Variants in NEK1 observed in about 807,000 individuals in gnomAD.
NEK1 encodes serine/threonine-protein kinase Nek1.
NEK1 carries 137 observed loss-of-function variants against 182.1 expected under a neutral mutation model. The ratio of observed to expected loss-of-function variants is 0.75; its 90% confidence interval spans 0.65 to 0.87. The LOEUF is 0.87. Ranked by LOEUF, NEK1 falls within the 40% of genes least tolerant of loss-of-function variation. NEK1 has a pLI of 0.00. For missense variants in NEK1, 1,391 were observed against 1,494.4 expected (o/e 0.93, Z 1.14); for synonymous variants, 513 against 492.2 (o/e 1.04, Z -0.56).
intron 31 of NEK1, among the ~76,000 whole-genome samples, chr4:169,411,776 T>C (rs960962960): frequency 5.9e-5 from 9 of 152,226 alleles, no homozygotes; most frequent in African/African-American, 2.4e-5. Context: ...TGGAAAAATA[T>C]ATTGATAATT....
intron 18 of NEK1, among the ~76,000 whole-genome samples, chr4:169,544,293 A>C (rs755624006): frequency 7.9e-5 from 12 of 152,224 alleles, no homozygotes; most frequent in Non-Finnish European, 1.8e-4. Context: ...ATGTTGAACC[A>C]GCCTTGCCTC....
intron 26 of NEK1, among the ~76,000 whole-genome samples, chr4:169,470,105 T>C (rs1331829234): frequency 2.0e-5 from 3 of 152,178 alleles, no homozygotes; most frequent in African/African-American, 4.8e-5. Flanking sequence ...GGTCTTTTAA[T>C]TGGGGCATTT....
At chr4:169,479,320 G>T in intron 24 of NEK1, 83 bp downstream of exon 24, 3 of 1,367,156 alleles carry the variant, frequency 2.2e-6, no homozygotes, top group Non-Finnish European at 2.0e-6. Flanking sequence ...AGGGACATTA[G>T]GGATTAATGT....
At chr4:169,415,044 G>A (rs1734305617) in intron 31 of NEK1, among the ~76,000 whole-genome samples, 1 of 152,188 alleles carries the variant, frequency 6.6e-6, no homozygotes, top group African/African-American at 2.4e-5. Flanking sequence ...ACAACATAGA[G>A]CACTGCATGG....
At chr4:169,411,656 T>G (rs1733700239) in intron 31 of NEK1, among the ~76,000 whole-genome samples, 1 of 152,232 alleles carries the variant, frequency 6.6e-6, no homozygotes, top group African/African-American at 2.4e-5. Flanking sequence ...TTTAACTGGC[T>G]GCAAATGAAG....
chr4:169,464,834 A>G (rs937030592), intron 26 of NEK1, among the ~76,000 whole-genome samples: 1 of 152,148 alleles, frequency 6.6e-6, no homozygotes, highest in African/African-American at 2.4e-5. Flanking sequence ...TTTATTTATC[A>G]TAAGTAGGCA....
chr4:169,592,357 G>T (rs6840797), intron 5 of NEK1, among the ~76,000 whole-genome samples: 42,938 of 151,922 alleles, frequency 0.28, 8,630 homozygotes, highest in African/African-American at 0.58. Context: ...TATATTGTAT[G>T]ATCCCTATAC....
chr4:169,557,613 C>G lies in NEK1; in HGVS notation c.1267-1518G>C, dbSNP rs543542416. Among the ~76,000 whole-genome samples the G allele has an allele frequency of 1.1e-4, 16 of 152,122 alleles. No homozygotes were observed. The South Asian group carries it at 3.3e-3, about 32-fold the overall frequency. On this transcript the variant is annotated intron_variant, in intron 16 of 35. Coordinates refer to ENST00000507142, the MANE Select transcript of NEK1 (RefSeq NM_001199397.3). ...AAAAGGGAAAACTTCCAGGTGATAA[C>G]ATCTTAAGGAAAATGCCTGGTTAAA...
At chr4:169,546,412 A>T (rs1409702240) in intron 18 of NEK1, among the ~76,000 whole-genome samples, 1 of 152,168 alleles carries the variant, frequency 6.6e-6, no homozygotes, top group East Asian at 1.9e-4. Context: ...TTACATGGTC[A>T]ATTTTAGAAT....
intron 27 of NEK1, among the ~76,000 whole-genome samples, chr4:169,459,884 A>G (rs531183510): frequency 8.1e-4 from 123 of 152,176 alleles, no homozygotes; most frequent in African/African-American, 2.8e-3. Flanking sequence ...GAAGAAAGGG[A>G]GGGATAATAT....
rs1420547260 is a variant in NEK1, at chr4:169,526,336, A to G, written c.1665+11473T>C. ...AGACCTAACTCTACAAAAAGATTAA[A>G]AAATTAGCCACGCATGATGGCAAGC... is the stretch of plus-strand genomic sequence containing the variant. On this transcript the variant is annotated intron_variant, in intron 19 of 35. Transcript: ENST00000507142. Among the ~76,000 whole-genome samples, 5 of 152,148 alleles carry G rather than the reference A, an allele frequency of 3.3e-5. 1 individual carries two copies. In the South Asian group the frequency reaches 8.3e-4, roughly 25 times the overall value.
chr4:169,426,288 T>TA, intron 29 of NEK1, 54 bp from the exon 30 acceptor site: 1 of 1,424,196 alleles, frequency 7.0e-7, no homozygotes, highest in Non-Finnish European at 9.8e-7. Context: ...TTACCAGAAA[T>TA]AAAAGTGCTC....
chr4:169,582,058 A>G (rs963661561), intron 10 of NEK1, among the ~76,000 whole-genome samples: 3 of 151,962 alleles, frequency 2.0e-5, no homozygotes, highest in African/African-American at 2.4e-5. Flanking sequence ...CTTACTCCAT[A>G]TTTTTCTCTC....
chr4:169,411,071 G>C (rs774779082), intron 31 of NEK1, among the ~76,000 whole-genome samples: 4 of 152,128 alleles, frequency 2.6e-5, no homozygotes, highest in Non-Finnish European at 5.9e-5. Flanking sequence ...TGCTTTCTAG[G>C]GACAAGATAG....
intron 31 of NEK1, among the ~76,000 whole-genome samples, chr4:169,409,213 C>T (rs747692271): frequency 1.1e-4 from 16 of 151,944 alleles, no homozygotes; most frequent in Non-Finnish European, 2.1e-4. Context: ...GGCGCGATCT[C>T]GGCTCACTGC....
intron 31 of NEK1, 71 bp downstream of exon 31, chr4:169,424,482 G>A (rs1736018760): frequency 1.4e-6 from 2 of 1,455,580 alleles, no homozygotes; most frequent in Non-Finnish European, 1.8e-6. Flanking sequence ...TCAATATTAT[G>A]GTTTATAAAA....
At chr4:169,604,951 T>C (rs1464120850) in intron 2 of NEK1, among the ~76,000 whole-genome samples, 1 of 152,166 alleles carries the variant, frequency 6.6e-6, no homozygotes, top group African/African-American at 2.4e-5. Flanking sequence ...TGGCACAATA[T>C]AATGGCTATC....
intron 27 of NEK1, among the ~76,000 whole-genome samples, chr4:169,449,540 G>A (rs1741298128): frequency 2.0e-5 from 3 of 152,102 alleles, no homozygotes; most frequent in African/African-American, 4.8e-5. Flanking sequence ...AGGCAAACAG[G>A]GTCTGGAGTG....
chr4:169,435,464 AC>A (rs1360311371), intron 28 of NEK1, among the ~76,000 whole-genome samples: 9 of 152,176 alleles, frequency 5.9e-5, no homozygotes, highest in African/African-American at 2.2e-4. Flanking sequence ...TATTTAAGTT[AC>A]TGTGGTGAAT....
Sources: allele counts gnomAD v4.1 joint callset (sites outside exome capture counted in the v4.1 genomes callset), GRCh38; gene constraint gnomAD v4.1.1; transcripts MANE v1.5; gene names NCBI Gene and HGNC (gene_info 2026-07-23, HGNC 2026-07-21).